SGCD: variants seen among roughly 807,000 people sequenced by gnomAD.
SGCD encodes the protein delta-sarcoglycan.
Under a neutral mutation model 36.6 loss-of-function variants are expected in SGCD, and 18 were observed. That is an observed-to-expected ratio of 0.49 (90% CI 0.34 to 0.73). The LOEUF is 0.73. Ranked by LOEUF, SGCD falls within the 30% of genes least tolerant of loss-of-function variation. The pLI is 0.01. For missense variants in SGCD, 387 were observed against 346.7 expected (o/e 1.12, Z -0.92); for synonymous variants, 133 against 130.6 (o/e 1.02, Z -0.12).
At chr5:156,172,296 A>G (rs1264779433) in intron 3 of SGCD, among the ~76,000 whole-genome samples, 4 of 152,186 alleles carry the variant, frequency 2.6e-5, no homozygotes, top group African/African-American at 9.7e-5. Flanking sequence ...AAACAAAAAC[A>G]AAAACAAACA....
intron 3 of SGCD, among the ~76,000 whole-genome samples, chr5:156,399,256 G>A (rs778871691): frequency 6.6e-6 from 1 of 152,168 alleles, no homozygotes; most frequent in Non-Finnish European, 1.5e-5. Context: ...TACTCAAAGA[G>A]CTCATTGTTA....
intron 7 of SGCD, among the ~76,000 whole-genome samples, chr5:156,719,049 A>G (rs967789838): frequency 1.3e-5 from 2 of 152,084 alleles, no homozygotes; most frequent in Non-Finnish European, 2.9e-5. Context: ...TCTTATGTTT[A>G]TGTATACAAA....
intron 3 of SGCD, among the ~76,000 whole-genome samples, chr5:156,410,233 T>C (rs9313916): frequency 0.042 from 6,447 of 152,234 alleles, 476 homozygotes; most frequent in African/African-American, 0.15. Context: ...ATCACATCCT[T>C]CACAGCAGCA....
chr5:156,601,840 C>T (rs188108), intron 6 of SGCD, among the ~76,000 whole-genome samples: 5,020 of 151,920 alleles, frequency 0.033, 194 homozygotes, highest in Admixed American at 0.11. Context: ...CCTGCCACCA[C>T]GCCCGGCTAA....
intron 3 of SGCD, among the ~76,000 whole-genome samples, chr5:156,465,740 C>A (rs1018036614): frequency 1.3e-5 from 2 of 152,166 alleles, no homozygotes; most frequent in Non-Finnish European, 2.9e-5. Context: ...CCAATTGAAT[C>A]AATTCAAAGC....
intron 7 of SGCD, among the ~76,000 whole-genome samples, chr5:156,689,268 T>C (rs1371763758): frequency 1.3e-5 from 2 of 152,180 alleles, no homozygotes; most frequent in Non-Finnish European, 2.9e-5. Context: ...AATCCAAGTA[T>C]AAAATGTTGT....
At chr5:156,356,613 G>C (rs186351166) in intron 3 of SGCD, among the ~76,000 whole-genome samples, 1 of 152,176 alleles carries the variant, frequency 6.6e-6, no homozygotes, top group Non-Finnish European at 1.5e-5. Flanking sequence ...TCTTCATGGG[G>C]GAATTGCAAA....
Position 156,384,722 on chromosome 5 carries a change from A to C in SGCD, c.192+40045A>C, listed in dbSNP as rs1233280905. Among the ~76,000 whole-genome samples, 3 of 152,194 alleles carry C rather than the reference A, an allele frequency of 2.0e-5. No individual in the cohort carries two copies. The East Asian group carries it at 5.8e-4, about 29-fold the overall frequency. ...AATGGTATCAGATGTGATTTGGGGT[A>C]GTTTCTAAGAGATTTTAAGAATTCT... On this transcript the variant is annotated intron_variant, in intron 3 of 8. Coordinates refer to ENST00000337851, the MANE Select transcript of SGCD (RefSeq NM_000337.6).
chr5:156,706,819 A>G (rs1453973962), intron 7 of SGCD, among the ~76,000 whole-genome samples: 3 of 152,064 alleles, frequency 2.0e-5, no homozygotes, highest in African/African-American at 7.2e-5. Context: ...TTATCTGCAG[A>G]TTGTTGATTC....
At chr5:156,197,362 C>T (rs1385918187) in intron 3 of SGCD, among the ~76,000 whole-genome samples, 1 of 152,066 alleles carries the variant, frequency 6.6e-6, no homozygotes, top group Non-Finnish European at 1.5e-5. Flanking sequence ...AAATATTTCT[C>T]ACCTAATTCA....
At chr5:156,606,161 G>C (rs1761441024) in intron 6 of SGCD, among the ~76,000 whole-genome samples, 1 of 152,136 alleles carries the variant, frequency 6.6e-6, no homozygotes, top group African/African-American at 2.4e-5. Context: ...TTTTCTTCTA[G>C]GGTTCTTATG....
At chr5:155,814,794 T>G in the SGCD span, among the ~76,000 whole-genome samples, 30 of 152,310 alleles carry the variant, frequency 2.0e-4, no homozygotes, top group Non-Finnish European at 4.3e-4. Flanking sequence ...CTAATGACTA[T>G]GTTTACTATG....
chr5:156,034,339 T>G (rs1014475781), intron 1 of SGCD, among the ~76,000 whole-genome samples: 5 of 152,130 alleles, frequency 3.3e-5, no homozygotes, highest in East Asian at 1.9e-4. Context: ...TTAGTGCGAG[T>G]CTAGATTTGG....
intron 3 of SGCD, among the ~76,000 whole-genome samples, chr5:156,239,636 A>G (rs1765259464): frequency 6.6e-6 from 1 of 152,192 alleles, no homozygotes; most frequent in African/African-American, 2.4e-5. Context: ...CACTTAGGGA[A>G]TGAAGGCACT....
the SGCD span, among the ~76,000 whole-genome samples, chr5:155,738,398 CA>C: frequency 6.6e-6 from 1 of 152,146 alleles, no homozygotes; most frequent in Non-Finnish European, 1.5e-5. Flanking sequence ...TATAGGTGGA[CA>C]AAAAGCATGT....
chr5:156,234,542 C>T (rs1296899909), intron 3 of SGCD, among the ~76,000 whole-genome samples: 1 of 152,070 alleles, frequency 6.6e-6, no homozygotes, highest in Non-Finnish European at 1.5e-5. Flanking sequence ...TAAGTGAAAA[C>T]ATGATTTTGT....
In SGCD at chr5:156,223,363, T is replaced by C. The variant is rs561939996; in HGVS notation, c.-44+99344T>C. 1.4e-3 allele frequency among the ~76,000 whole-genome samples: 206 copies of C among 152,232 alleles called. 1 individual carries two copies. The highest frequency in any genetic ancestry group is 4.5e-3 in the African/African-American group (186 of 41,558). On this transcript the variant is annotated intron_variant, in intron 3 of 9. Coordinates refer to the SGCD transcript ENST00000517913. Reference sequence around the variant, plus strand: ...AAGAGTACCTAGAAACAGGATCTTATTACGATTGTTAATGTGGTATGAAAA... The same window carrying C: ...AAGAGTACCTAGAAACAGGATCTTACTACGATTGTTAATGTGGTATGAAAA...
intron 3 of SGCD, among the ~76,000 whole-genome samples, chr5:156,349,798 T>A (rs886117738): frequency 6.6e-5 from 10 of 151,972 alleles, no homozygotes; most frequent in African/African-American, 1.2e-4. Context: ...ATATGTATAT[T>A]TTTTTTGCAG....
intron 7 of SGCD, among the ~76,000 whole-genome samples, chr5:156,667,687 G>A (rs76273669): frequency 0.018 from 2,684 of 152,266 alleles, 33 homozygotes; most frequent in Non-Finnish European, 0.029. Context: ...ATGCCTATCC[G>A]CTTTGTGAAT....
Sources: allele counts gnomAD v4.1 joint callset (sites outside exome capture counted in the v4.1 genomes callset), GRCh38; gene constraint gnomAD v4.1.1; transcripts MANE v1.5; gene names NCBI Gene and HGNC (gene_info 2026-07-23, HGNC 2026-07-21).